The following SGK3 variants were observed in gnomAD, a reference collection of about 807,000 sequenced individuals.
SGK3 encodes the protein serum/glucocorticoid regulated kinase family member 3.
A neutral mutation model predicts 68.5 loss-of-function variants in SGK3; 47 were observed. The ratio of observed to expected loss-of-function variants is 0.69; its 90% CI spans 0.54 to 0.87. The LOEUF is 0.87. SGK3 is among the 40% of genes least tolerant of loss of function. The pLI is 0.00. For missense variants in SGK3, 479 were observed against 575.5 expected (o/e 0.83, Z 1.72); for synonymous variants, 181 against 189.1 (o/e 0.96, Z 0.35).
intron 5 of SGK3, among the ~76,000 whole-genome samples, chr8:66,817,385 C>T (rs1326466062): frequency 6.6e-6 from 1 of 151,170 alleles, no homozygotes; most frequent in African/African-American, 2.4e-5. Flanking sequence ...GAGCCAAGAT[C>T]GTGCCACTGC....
intron 1 of SGK3, among the ~76,000 whole-genome samples, chr8:66,769,434 G>A (rs1806431619): frequency 6.6e-6 from 1 of 152,200 alleles, no homozygotes; most frequent in South Asian, 2.1e-4. Context: ...ATGTTGGCCA[G>A]GCTGGTCTTG....
chr8:66,831,839 A>G (rs1365169155), intron 8 of SGK3, among the ~76,000 whole-genome samples: 3 of 152,174 alleles, frequency 2.0e-5, no homozygotes, highest in African/African-American at 4.8e-5. Context: ...GTGTTTGTTG[A>G]ACACCTACTG....
chr8:66,853,596 G>A (rs2130754659), intron 16 of SGK3, among the ~76,000 whole-genome samples: 1 of 152,256 alleles, frequency 6.6e-6, no homozygotes, highest in South Asian at 2.1e-4. Context: ...CTAACAGGTT[G>A]CATAAAGTAT....
intron 16 of SGK3, among the ~76,000 whole-genome samples, chr8:66,859,206 G>A (rs191122632): frequency 3.9e-5 from 6 of 152,136 alleles, no homozygotes; most frequent in Admixed American, 2.0e-4. Context: ...GTAGGTGGGC[G>A]CCTGTAATCC....
At chr8:66,744,641 G>A (rs1439976926) in intron 1 of SGK3, among the ~76,000 whole-genome samples, 2 of 148,700 alleles carry the variant, frequency 1.3e-5, no homozygotes, top group African/African-American at 2.5e-5. Flanking sequence ...CCAAGCAGCT[G>A]GGATTATAGG....
intron 4 of SGK3, 86 bp from the exon 5 acceptor site, chr8:66,813,767 A>G (rs1808472208): frequency 1.7e-6 from 2 of 1,183,708 alleles, no homozygotes; most frequent in Admixed American, 3.1e-5. Context: ...AAAATTCACT[A>G]TCTTGTGCTT....
intron 4 of SGK3, among the ~76,000 whole-genome samples, chr8:66,812,940 CAACA>C (rs1585753785): frequency 6.6e-6 from 1 of 152,124 alleles, no homozygotes; most frequent in East Asian, 1.9e-4. Context: ...CTTCAATTAT[CAACA>C]AACAAAACAC....
chr8:66,714,940 A>G (rs1037993854), intron 1 of SGK3, among the ~76,000 whole-genome samples: 4 of 152,204 alleles, frequency 2.6e-5, no homozygotes, highest in African/African-American at 9.6e-5. Flanking sequence ...TGTGGAATGA[A>G]TGACTCCAAA....
chr8:66,834,464 G>GATTTT, intron 8 of SGK3, among the ~76,000 whole-genome samples: 1 of 151,310 alleles, frequency 6.6e-6, no homozygotes, highest in African/African-American at 2.5e-5. Context: ...CTACTGGCAG[G>GATTTT]GTTTTGTTTT....
chr8:66,724,257 G>A (rs1422570573), intron 1 of SGK3, among the ~76,000 whole-genome samples: 1 of 152,206 alleles, frequency 6.6e-6, no homozygotes, highest in Non-Finnish European at 1.5e-5. Context: ...TGGGATTACA[G>A]GCGTGAGCCT....
intron 1 of SGK3, among the ~76,000 whole-genome samples, chr8:66,778,478 A>G (rs1218322253): frequency 6.6e-6 from 1 of 152,094 alleles, no homozygotes; most frequent in Non-Finnish European, 1.5e-5. Flanking sequence ...TTGTATTTTT[A>G]GTAGAGACGG....
At chr8:66,852,242 A>T (rs941268008) in intron 16 of SGK3, among the ~76,000 whole-genome samples, 4 of 149,414 alleles carry the variant, frequency 2.7e-5, no homozygotes, top group Non-Finnish European at 5.9e-5. Flanking sequence ...TTCTTTTTTT[A>T]AGTTTTTTGA....
intron 4 of SGK3, among the ~76,000 whole-genome samples, chr8:66,812,325 G>A (rs747932480): frequency 2.0e-5 from 3 of 152,086 alleles, no homozygotes; most frequent in Non-Finnish European, 4.4e-5. Context: ...TTGGGAGGCC[G>A]AGGCAGGCAG....
rs1019031893 is a variant in SGK3, at chr8:66,749,221, A to G, written c.-122+36388A>G. ...ATTGGACTTGTTTCATCTTATAGAA[A>G]AGTTATTTTTGGCTGGGTGCGGTGG... On this transcript the variant is annotated intron_variant, in intron 1 of 16. Transcript: ENST00000521198. Among the ~76,000 whole-genome samples, 8 of 152,096 alleles carry G rather than the reference A, an allele frequency of 5.3e-5. No individual in the cohort carries two copies. In the East Asian group the frequency reaches 1.5e-3, roughly 29 times the overall value.
intron 7 of SGK3, among the ~76,000 whole-genome samples, chr8:66,830,768 A>T (rs935052411): frequency 6.6e-6 from 1 of 152,224 alleles, no homozygotes; most frequent in African/African-American, 2.4e-5. Context: ...TTTTTTCTCC[A>T]TCAGAAATTA....
At chr8:66,838,942 T>C (rs1329933530) in intron 10 of SGK3, among the ~76,000 whole-genome samples, 2 of 152,198 alleles carry the variant, frequency 1.3e-5, no homozygotes, top group Non-Finnish European at 2.9e-5. Context: ...TTATGACACT[T>C]GGCAGATGAG....
At chr8:66,734,228 C>CTTTTTTTTTTTTTTTTTTTTTT (rs529741200) in intron 1 of SGK3, among the ~76,000 whole-genome samples, 6 of 104,230 alleles carry the variant, frequency 5.8e-5, no homozygotes, top group Admixed American at 1.0e-4. Flanking sequence ...CTTTTTCTTT[C>CTTTTTTTTTTTTTTTTTTTTTT]TTTTTTTTTT....
intron 1 of SGK3, chr8:66,767,313 G>T (rs1008202423): frequency 1.3e-5 from 11 of 821,110 alleles, no homozygotes; most frequent in Admixed American, 2.3e-5. Context: ...TTTATTTTAG[G>T]ATTTAAGTAT....
At chr8:66,756,568 A>ATTTTTTT (rs1805981637) in intron 1 of SGK3, among the ~76,000 whole-genome samples, 1 of 114,382 alleles carries the variant, frequency 8.7e-6, no homozygotes, top group African/African-American at 3.4e-5. Flanking sequence ...GCATGCATCT[A>ATTTTTTT]CTTTTTTTTT....
Sources: gnomAD v4.1 joint callset for allele counts (sites outside exome capture counted in the v4.1 genomes callset) on GRCh38, gnomAD v4.1.1 for gene constraint, MANE v1.5 for transcripts, NCBI Gene and HGNC (gene_info 2026-07-23, HGNC 2026-07-21) for gene names.